CCDC30: variants seen among roughly 807,000 people sequenced by gnomAD.
CCDC30 encodes the protein coiled-coil domain-containing protein 30.
CCDC30 carries 70 observed loss-of-function variants against 100.2 expected under a neutral mutation model. That is an observed-to-expected ratio of 0.70 (90% CI 0.58 to 0.85). CCDC30 has a LOEUF of 0.85. Ranked by LOEUF, CCDC30 falls within the 40% of genes least tolerant of loss-of-function variation. The pLI, the probability that CCDC30 is intolerant of heterozygous loss-of-function variation, is 0.00. For synonymous variants in CCDC30, 233 were observed against 269.5 expected (o/e 0.86, Z 1.33); for missense variants, 652 against 771.2 (o/e 0.85, Z 1.83).
At chr1:42,617,661 G>A (rs993170968) in intron 11 of CCDC30, among the ~76,000 whole-genome samples, 1 of 152,212 alleles carries the variant, frequency 6.6e-6, no homozygotes, top group South Asian at 2.1e-4. Context: ...ATCACAGAAA[G>A]TTGAAGCTGT....
upstream of CCDC30, chr1:42,459,564 C>G: frequency 6.5e-7 from 1 of 1,541,402 alleles, no homozygotes; most frequent in Non-Finnish European, 8.9e-7. Context: ...TAGGTAATGA[C>G]CATTGTTTGC....
In CCDC30 at chr1:42,525,743, G is replaced by C. The variant is rs78572734; in HGVS notation, c.456+26827G>C. Among the ~76,000 whole-genome samples, 245 of 152,204 alleles carry C rather than the reference G, an allele frequency of 1.6e-3. 4 individuals carry two copies. In the East Asian group the frequency reaches 0.045, roughly 28 times the overall value. ...TGAATAGCTTAATTCTTTCTGGATTGTTTTTAAGCTTCCTTAGGGCAGATT... is the reference window on the plus strand; with the variant it reads ...TGAATAGCTTAATTCTTTCTGGATTCTTTTTAAGCTTCCTTAGGGCAGATT... On this transcript the variant is annotated intron_variant, in intron 6 of 16. Transcript: ENST00000668663.
chr1:42,497,649 T>G (rs1433243465), intron 5 of CCDC30, among the ~76,000 whole-genome samples: 3 of 152,198 alleles, frequency 2.0e-5, no homozygotes, highest in Non-Finnish European at 4.4e-5. Flanking sequence ...TCTCTTCAAT[T>G]TTAGTTTATA....
chr1:42,644,399 T>G (rs1240089554), intron 13 of CCDC30, among the ~76,000 whole-genome samples: 2 of 152,072 alleles, frequency 1.3e-5, no homozygotes, highest in Non-Finnish European at 2.9e-5. Flanking sequence ...CCCACCAGAT[T>G]AAGAGGGGAT....
At chr1:42,638,270 C>T (rs1647196300) in intron 12 of CCDC30, among the ~76,000 whole-genome samples, 1 of 152,076 alleles carries the variant, frequency 6.6e-6, no homozygotes, top group Non-Finnish European at 1.5e-5. Context: ...AGGAGGATTG[C>T]TTGAGGCCAG....
intron 1 of CCDC30, chr1:42,467,602 G>A (rs1441300850): frequency 6.6e-6 from 1 of 152,168 alleles, no homozygotes; most frequent in Non-Finnish European, 1.5e-5. Context: ...CTAGAAAACT[G>A]GACACGCATT....
chr1:42,554,799 C>T (rs72957970), intron 6 of CCDC30, among the ~76,000 whole-genome samples: 2,013 of 152,144 alleles, frequency 0.013, 43 homozygotes, highest in African/African-American at 0.046. Context: ...CTTTCACCTC[C>T]TCTGCTTGTT....
At chr1:42,637,840 G>C (rs913720415) in intron 12 of CCDC30, among the ~76,000 whole-genome samples, 1 of 152,152 alleles carries the variant, frequency 6.6e-6, no homozygotes, top group Non-Finnish European at 1.5e-5. Flanking sequence ...CTTAGTGGTG[G>C]ATGAATAAAC....
chr1:42,525,908 GCT>G (rs1644716885), intron 6 of CCDC30, among the ~76,000 whole-genome samples: 1 of 152,052 alleles, frequency 6.6e-6, no homozygotes, highest in Non-Finnish European at 1.5e-5. Context: ...TGTTCTTACA[GCT>G]CTCTCATTGT....
intron 1 of CCDC30, among the ~76,000 whole-genome samples, chr1:42,478,517 G>T (rs1222575281): frequency 6.6e-6 from 1 of 152,140 alleles, no homozygotes; most frequent in East Asian, 1.9e-4. Flanking sequence ...CCAGCACTTT[G>T]TGAGGCCAAG....
chr1:42,476,561 A>G (rs1327945082), intron 1 of CCDC30, among the ~76,000 whole-genome samples: 1 of 151,962 alleles, frequency 6.6e-6, no homozygotes, highest in Non-Finnish European at 1.5e-5. Flanking sequence ...GTGGTGGTTC[A>G]TGCCTGTAAT....
chr1:42,616,497 T>A (rs1646729886), intron 11 of CCDC30, among the ~76,000 whole-genome samples: 1 of 152,226 alleles, frequency 6.6e-6, no homozygotes, highest in Admixed American at 6.5e-5. Flanking sequence ...ATTTCCCTGA[T>A]CCCAGTCCTG....
downstream of CCDC30, chr1:42,654,766 G>T (rs1648608579): frequency 6.9e-6 from 1 of 144,564 alleles, no homozygotes; most frequent in Non-Finnish European, 1.5e-5. Context: ...AGGCTGAAGT[G>T]CAGTGGCATG....
intron 10 of CCDC30, among the ~76,000 whole-genome samples, chr1:42,595,950 C>T (rs1017340089): frequency 6.6e-5 from 10 of 152,190 alleles, no homozygotes; most frequent in Non-Finnish European, 1.3e-4. Flanking sequence ...GTGAAACAGA[C>T]TTCTACGTTC....
At chr1:42,642,432 T>C (rs1263687097) in intron 12 of CCDC30, 41 bp from the exon 17 acceptor site, 4 of 1,415,752 alleles carry the variant, frequency 2.8e-6, no homozygotes, top group Non-Finnish European at 3.7e-6. Context: ...TTTATCATAC[T>C]TTCTCCTGCT....
intron 4 of CCDC30, among the ~76,000 whole-genome samples, chr1:42,496,477 T>A (rs910651924): frequency 1.4e-4 from 22 of 151,862 alleles, no homozygotes; most frequent in African/African-American, 4.6e-4. Flanking sequence ...TATATATATA[T>A]AAATGTCTGA....
chr1:42,598,689 T>G (rs989581402), intron 10 of CCDC30, among the ~76,000 whole-genome samples: 1 of 151,964 alleles, frequency 6.6e-6, no homozygotes, highest in African/African-American at 2.4e-5. Context: ...ATGTACCAAT[T>G]AAAAGAGAAT....
At chr1:42,604,822 G>A (rs1348283832) in intron 10 of CCDC30, among the ~76,000 whole-genome samples, 1 of 152,154 alleles carries the variant, frequency 6.6e-6, no homozygotes, top group Non-Finnish European at 1.5e-5. Context: ...ATCATTCAAA[G>A]GACTCTGGAT....
upstream of CCDC30, chr1:42,459,780 C>G (rs751422458): frequency 4.3e-6 from 7 of 1,614,022 alleles, no homozygotes; most frequent in African/African-American, 9.3e-5. Flanking sequence ...TGAGTCACGA[C>G]AGTCCTTTGT....
Sources: gnomAD v4.1 joint callset for allele counts (sites outside exome capture counted in the v4.1 genomes callset) on GRCh38, gnomAD v4.1.1 for gene constraint, MANE v1.5 for transcripts, NCBI Gene and HGNC (gene_info 2026-07-23, HGNC 2026-07-21) for gene names.